Variants in VPS13C observed in about 807,000 individuals in gnomAD.
VPS13C encodes the protein vacuolar protein sorting 13 homolog C.
VPS13C carries 358 observed loss-of-function variants against 456.8 expected under a neutral mutation model. The ratio of observed to expected loss-of-function variants is 0.78; its 90% confidence interval spans 0.72 to 0.86. The LOEUF (loss-of-function observed/expected upper bound fraction) is 0.86, where lower values mean the gene tolerates loss of function less well. Ranked by LOEUF, VPS13C falls within the 40% of genes least tolerant of loss-of-function variation. VPS13C has a pLI of 0.00. For synonymous variants in VPS13C, 1,578 were observed against 1,486.7 expected (o/e 1.06, Z -1.41); for missense variants, 4,818 against 4,385.4 (o/e 1.10, Z -2.79).
At chr15:61,994,947 C>T (rs2046335689) in intron 16 of VPS13C, among the ~76,000 whole-genome samples, 1 of 152,128 alleles carries the variant, frequency 6.6e-6, no homozygotes, top group African/African-American at 2.4e-5. Flanking sequence ...AAAATGGATA[C>T]TACAATTTTT....
chr15:61,966,747 T>C (rs1403319763), intron 29 of VPS13C, among the ~76,000 whole-genome samples: 1 of 151,980 alleles, frequency 6.6e-6, no homozygotes. Context: ...AGGGAATCAA[T>C]CACATTATAT....
intron 5 of VPS13C, among the ~76,000 whole-genome samples, chr15:62,030,395 T>A (rs990369698): frequency 1.3e-5 from 2 of 152,066 alleles, no homozygotes; most frequent in African/African-American, 4.8e-5. Flanking sequence ...GGGTCCCTCA[T>A]AAATGATGAC....
At chr15:62,010,652 C>A in intron 12 of VPS13C, 53 bp from the exon 13 acceptor site, 5 of 1,470,986 alleles carry the variant, frequency 3.4e-6, no homozygotes, top group Admixed American at 2.3e-5. Context: ...TACATATAAA[C>A]AAGTGTAAAT....
chr15:62,049,651 A>G (rs1476275126), intron 1 of VPS13C, among the ~76,000 whole-genome samples: 1 of 152,232 alleles, frequency 6.6e-6, no homozygotes, highest in African/African-American at 2.4e-5. Context: ...AGTCATTGGT[A>G]GCTTGATGGG....
chr15:61,868,080 T>C (rs967683861), intron 81 of VPS13C: 1 of 651,438 alleles, frequency 1.5e-6, no homozygotes, highest in African/African-American at 1.9e-5. Flanking sequence ...GGTAGAAAAA[T>C]ATTAATACAT....
chr15:62,039,102 A>G (rs1190858161), intron 3 of VPS13C, among the ~76,000 whole-genome samples: 2 of 152,182 alleles, frequency 1.3e-5, no homozygotes, highest in Non-Finnish European at 2.9e-5. Context: ...CTAAAAGAAA[A>G]TAAGTCATTA....
intron 32 of VPS13C, 123 bp downstream of exon 32, chr15:61,963,711 AT>A: frequency 1.4e-6 from 1 of 692,288 alleles, no homozygotes; most frequent in Non-Finnish European, 2.5e-6. Flanking sequence ...ATACAATCCA[AT>A]TACGTCTTTT....
intron 49 of VPS13C, 77 bp downstream of exon 49, chr15:61,934,142 C>CA: frequency 1.7e-4 from 157 of 922,818 alleles, no homozygotes; most frequent in Non-Finnish European, 2.0e-4. Flanking sequence ...AAGTCCCACA[C>CA]AAAAAAAAGC....
intron 57 of VPS13C, 138 bp from the exon 58 acceptor site, chr15:61,919,587 G>T: frequency 1.1e-6 from 1 of 925,252 alleles, no homozygotes; most frequent in Non-Finnish European, 1.4e-6. Flanking sequence ...GCTTTTCTAA[G>T]ACATAAACTT....
At chr15:61,896,446 A>G (rs1231722308) in intron 66 of VPS13C, among the ~76,000 whole-genome samples, 1 of 152,200 alleles carries the variant, frequency 6.6e-6, no homozygotes, top group Admixed American at 6.5e-5. Flanking sequence ...CGGGAAGCGC[A>G]AGGGGTCAGG....
At chr15:62,006,752 C>A (rs964806321) in intron 15 of VPS13C, among the ~76,000 whole-genome samples, 2 of 152,140 alleles carry the variant, frequency 1.3e-5, no homozygotes, top group Admixed American at 6.5e-5. Context: ...TTCTCCACAT[C>A]CTCTCCAGCA....
chr15:62,047,444 A>C (rs1336514852), intron 1 of VPS13C, among the ~76,000 whole-genome samples: 2 of 152,036 alleles, frequency 1.3e-5, no homozygotes, highest in African/African-American at 4.8e-5. Context: ...TCAAAAAAAA[A>C]AACAAAAAAA....
chr15:62,020,177 A>G (rs545940956), intron 9 of VPS13C, among the ~76,000 whole-genome samples: 10 of 152,036 alleles, frequency 6.6e-5, no homozygotes, highest in African/African-American at 2.4e-4. Flanking sequence ...AGATGAGTAC[A>G]TGACTCTACA....
chr15:61,871,453 C>T (rs1009538215), intron 79 of VPS13C, among the ~76,000 whole-genome samples: 2 of 152,000 alleles, frequency 1.3e-5, no homozygotes, highest in Non-Finnish European at 2.9e-5. Flanking sequence ...GAATAGTATC[C>T]CACTGTTCTA....
intron 27 of VPS13C, 40 bp downstream of exon 27, chr15:61,972,585 C>G (rs372284601): frequency 1.3e-6 from 2 of 1,596,450 alleles, no homozygotes; most frequent in Non-Finnish European, 1.7e-6. Flanking sequence ...AAGATAGTGA[C>G]AGCCAGAATA....
At chr15:61,950,173 A>C in intron 41 of VPS13C, among the ~76,000 whole-genome samples, 185 bp downstream of exon 41, 1 of 151,544 alleles carries the variant, frequency 6.6e-6, no homozygotes, top group South Asian at 2.1e-4. Context: ...TCAGAACATA[A>C]ATCAACTTTT....
chr15:62,051,755 T>G (rs1242052132), intron 1 of VPS13C, among the ~76,000 whole-genome samples: 1 of 152,070 alleles, frequency 6.6e-6, no homozygotes, highest in African/African-American at 2.4e-5. Context: ...AACGGTAGGA[T>G]AGAGTCAAGG....
chr15:61,918,051 G>T, intron 59 of VPS13C, 85 bp downstream of exon 59: 1 of 1,384,146 alleles, frequency 7.2e-7, no homozygotes, highest in Non-Finnish European at 9.8e-7. Context: ...CTGATCTTTA[G>T]TTAATAAAAA....
chr15:61,945,873 T>G lies in VPS13C; in HGVS notation c.4990A>C (p.Ile1664Leu). 6.2e-7 allele frequency: 1 copy of G among 1,606,454 alleles called. No homozygotes were observed. The highest frequency in any genetic ancestry group is 1.7e-5 in the Admixed American group (1 of 58,288). ...LQSIHKKAVS[I>L]LGDEVFRFQL... ...AACCTAAAGACTTCATCTCCCAAAATAGAGACAGCCTAAAAGTATTAGATT... is the reference window on the plus strand; with the variant it reads ...AACCTAAAGACTTCATCTCCCAAAAGAGAGACAGCCTAAAAGTATTAGATT... Residue 1664 changes from isoleucine (I) to leucine (L), a missense_variant, in exon 45 of 85, where the codon ATT becomes CTT. By Grantham distance (5) the Ile-to-Leu change is conservative. Coordinates refer to ENST00000644861, the MANE Select transcript of VPS13C (RefSeq NM_020821.3).
Sources: allele counts gnomAD v4.1 joint callset (sites outside exome capture counted in the v4.1 genomes callset), GRCh38; gene constraint gnomAD v4.1.1; transcripts MANE v1.5; gene names NCBI Gene and HGNC (gene_info 2026-07-23, HGNC 2026-07-21).